PCDHGA11: variants seen among roughly 807,000 people sequenced by gnomAD.
PCDHGA11 encodes protocadherin gamma subfamily A, 11.
A neutral mutation model predicts 60.4 loss-of-function variants in PCDHGA11; 39 were observed. The ratio of observed to expected loss-of-function variants is 0.65; its 90% CI spans 0.50 to 0.84. The LOEUF (loss-of-function observed/expected upper bound fraction) is 0.84, where lower values mean the gene tolerates loss of function less well. Ranked by LOEUF, PCDHGA11 falls within the 40% of genes least tolerant of loss-of-function variation. The pLI, the probability that PCDHGA11 is intolerant of heterozygous loss-of-function variation, is 0.00. For synonymous variants in PCDHGA11, 533 were observed against 510.3 expected (o/e 1.04, Z -0.60); for missense variants, 1,165 against 1,197.7 (o/e 0.97, Z 0.40).
rs768132114 is a variant in PCDHGA11 at position 141,489,845 on chromosome 5, G to A, written c.2434-4962G>A. 5 of 1,614,188 alleles carry A rather than the reference G, an allele frequency of 3.1e-6. No homozygotes were observed. The highest frequency in any genetic ancestry group is 2.2e-5 in the South Asian group (2 of 91,088). On this transcript the variant is annotated intron_variant, in intron 1 of 3. Transcript: ENST00000398587. This position sits in a 1 kb window ranked among gnomAD's most constrained non-coding sequence, Gnocchi z 4.5. ...CTGGTGCTAGAGCAGCAGCTGGATC[G>A]TGAAGCCCAGGCAAGACATCAGCTG...
chr5:141,476,801 C>A lies in PCDHGA11; in HGVS notation c.2434-18006C>A, dbSNP rs752954707. The A allele has an allele frequency of 5.8e-5, 94 of 1,613,468 alleles. No homozygotes were observed. The highest frequency in any genetic ancestry group is 7.9e-5 in the Non-Finnish European group (93 of 1,180,028). The stretch of plus-strand genomic sequence containing the variant: ...GACCCCAGCTCTCTCCGCCAGCCTG[C>A]CTATTCACATCAAGGTGCTGGACGC... On this transcript the variant is annotated intron_variant, in intron 1 of 3. Transcript: ENST00000398587. This position sits in a 1 kb window ranked among gnomAD's most constrained non-coding sequence, Gnocchi z 7.6.
chr5:141,431,830 C>G lies in PCDHGA11; in HGVS notation c.2433+8170C>G, dbSNP rs1354008481. 1 of 1,614,078 alleles carries G rather than the reference C, an allele frequency of 6.2e-7. No homozygotes were observed. The highest frequency in any genetic ancestry group is 8.5e-7 in the Non-Finnish European group (1 of 1,180,034). The stretch of plus-strand genomic sequence containing the variant: ...TCACCTCTCTCGCCAGCTCGGTTCC[C>G]GAAAACTCTCCCAGAGGGACATTAA... On this transcript the variant is annotated intron_variant, in intron 1 of 3. Coordinates refer to ENST00000398587, the MANE Select transcript of PCDHGA11 (RefSeq NM_018914.3). This position sits in a 1 kb window ranked among gnomAD's most constrained non-coding sequence, Gnocchi z 4.8.
intron 1 of PCDHGA11, among the ~76,000 whole-genome samples, chr5:141,458,512 TG>T (rs995261761): frequency 1.3e-5 from 2 of 150,194 alleles, no homozygotes; most frequent in East Asian, 1.9e-4. Flanking sequence ...TTTGACACTT[TG>T]TTTTTTTTTT....
At position 141,491,605 on chromosome 5, in the gene PCDHGA11, T is replaced by C; in HGVS notation, c.2434-3202T>C. On this transcript the variant is annotated intron_variant, in intron 1 of 3. Coordinates refer to ENST00000398587, the MANE Select transcript of PCDHGA11 (RefSeq NM_018914.3). This position sits in a 1 kb window ranked among gnomAD's most constrained non-coding sequence, Gnocchi z 6.9. Reference sequence around the variant, plus strand: ...GGCCTCGGACGGCAGTGACTTCACTTTTCTAAGACCCCTCAGCGTTCAGCA... The same window carrying C: ...GGCCTCGGACGGCAGTGACTTCACTCTTCTAAGACCCCTCAGCGTTCAGCA... 6.2e-7 allele frequency: 1 copy of C among 1,613,868 alleles called. No individual in the cohort carries two copies. Among genetic ancestry groups the C allele is most frequent in the East Asian group, 2.2e-5 (1 of 44,858 alleles).
rs767497197 is a variant in PCDHGA11, at chr5:141,486,350, T to C, written c.2434-8457T>C. The C allele has an allele frequency of 6.2e-7, 1 of 1,614,128 alleles. No homozygotes were observed. Among genetic ancestry groups the C allele is most frequent in the South Asian group, 1.1e-5 (1 of 91,074 alleles). On this transcript the variant is annotated intron_variant, in intron 1 of 3. Transcript: ENST00000398587. The surrounding 1 kb of genome is among the most constrained non-coding windows in gnomAD (Gnocchi z 5.0). ...TGTGAGCCTCCGCATTCCTGACCAC[T>C]TGCCATTTGCCCTCAAGTCTGCCTT...
Position 141,431,145 on chromosome 5 carries a change from A to G in PCDHGA11, c.2433+7485A>G. The G allele has an allele frequency of 1.2e-6, 2 of 1,614,244 alleles. No homozygotes were observed. Among genetic ancestry groups the G allele is most frequent in the Non-Finnish European group, 1.7e-6 (2 of 1,180,042 alleles). On this transcript the variant is annotated intron_variant, in intron 1 of 3. Transcript: ENST00000398587. The surrounding 1 kb of genome is among the most constrained non-coding windows in gnomAD (Gnocchi z 4.8). ...GTAGAAGTAAGGGACATTAACGACA[A>G]TGCGCCTTACTTTCGTGAAAGTGAA... is the stretch of plus-strand genomic sequence containing the variant.
At chr5:141,425,606 G>A (rs1419859039) in intron 1 of PCDHGA11, among the ~76,000 whole-genome samples, 1 of 152,156 alleles carries the variant, frequency 6.6e-6, no homozygotes, top group Non-Finnish European at 1.5e-5. Context: ...GCCCTATATA[G>A]CTTTCAGTGC....
rs61612330 is a variant in PCDHGA11 at position 141,454,796 on chromosome 5, A to ATTTTTTTTTTTTTTTTTTTTTTTTT, written c.2433+31141_2433+31165dup. ...AAGGAAATAATCCTCCATGGTTCTA[A>ATTTTTTTTTTTTTTTTTTTTTTTTT]TTTTTTTTTTTTTTTTTTTTTTTTT... On this transcript the variant is annotated intron_variant, in intron 1 of 3. Coordinates refer to ENST00000398587, the MANE Select transcript of PCDHGA11 (RefSeq NM_018914.3). Among the ~76,000 whole-genome samples, 7 of 77,408 alleles carry ATTTTTTTTTTTTTTTTTTTTTTTTT rather than the reference A, an allele frequency of 9.0e-5. 1 individual carries two copies. Among genetic ancestry groups the ATTTTTTTTTTTTTTTTTTTTTTTTT allele is most frequent in the East Asian group, 4.0e-4 (1 of 2,514 alleles). 50.8% of individuals were successfully genotyped at this position (77,408 alleles called of 152,430 possible). A position where few individuals can be genotyped will look rare whatever the true frequency, so the allele number is the denominator to read the frequency against.
Position 141,491,274 on chromosome 5 carries a change from T to C in PCDHGA11, c.2434-3533T>C, listed in dbSNP as rs2099710140. On this transcript the variant is annotated intron_variant, in intron 1 of 3. Transcript: ENST00000398587. The surrounding 1 kb of genome is among the most constrained non-coding windows in gnomAD (Gnocchi z 6.9). ...ACCCTGAGGAAATGCCCAAATCCAG[T>C]GACTTCCTCATACACCCTCCTGAGC... The C allele has an allele frequency of 6.2e-7, 1 of 1,614,102 alleles. No individual in the cohort carries two copies. Among genetic ancestry groups the C allele is most frequent in the Non-Finnish European group, 8.5e-7 (1 of 1,179,914 alleles).
chr5:141,432,049 G>T lies in PCDHGA11; in HGVS notation c.2433+8389G>T. The T allele has an allele frequency of 7.4e-6, 12 of 1,614,150 alleles. No individual in the cohort carries two copies. Among genetic ancestry groups the T allele is most frequent in the Non-Finnish European group, 1.0e-5 (12 of 1,180,028 alleles). Reference sequence around the variant, plus strand: ...TGACCGCCACTGACCGGGGAACCCCGCCCCTATCCACGGAAACTCATATCT... The same window carrying T: ...TGACCGCCACTGACCGGGGAACCCCTCCCCTATCCACGGAAACTCATATCT... On this transcript the variant is annotated intron_variant, in intron 1 of 3. Coordinates refer to ENST00000398587, the MANE Select transcript of PCDHGA11 (RefSeq NM_018914.3). The surrounding 1 kb of genome is among the most constrained non-coding windows in gnomAD (Gnocchi z 6.0).
In PCDHGA11 at chr5:141,491,357, T is replaced by C; in HGVS notation, c.2434-3450T>C. 6.2e-7 allele frequency: 1 copy of C among 1,614,144 alleles called. No homozygotes were observed. Among genetic ancestry groups the C allele is most frequent in the South Asian group, 1.1e-5 (1 of 91,080 alleles). On this transcript the variant is annotated intron_variant, in intron 1 of 3. Transcript: ENST00000398587. This position sits in a 1 kb window ranked among gnomAD's most constrained non-coding sequence, Gnocchi z 6.9. ...CTAGCGACCGTCAGTCTCTTATCCCTAGTCACCTTCACCTTTCTGTCAGCG... is the reference window on the plus strand; with the variant it reads ...CTAGCGACCGTCAGTCTCTTATCCCCAGTCACCTTCACCTTTCTGTCAGCG...
In PCDHGA11 at chr5:141,476,141, G is replaced by A. The variant is rs1011341002; in HGVS notation, c.2434-18666G>A. On this transcript the variant is annotated intron_variant, in intron 1 of 3. Coordinates refer to ENST00000398587, the MANE Select transcript of PCDHGA11 (RefSeq NM_018914.3). This position sits in a 1 kb window ranked among gnomAD's most constrained non-coding sequence, Gnocchi z 7.6. ...GATGGTCCCAGAGGCCTGGAGGAGCGGACTGGTAAGCACCGGGAGGGTAGT... is the reference window on the plus strand; with the variant it reads ...GATGGTCCCAGAGGCCTGGAGGAGCAGACTGGTAAGCACCGGGAGGGTAGT... 5.6e-6 allele frequency: 9 copies of A among 1,609,928 alleles called. No homozygotes were observed. Among genetic ancestry groups the A allele is most frequent in the Non-Finnish European group, 7.6e-6 (9 of 1,178,880 alleles).
chr5:141,478,517 T>G (rs1593923092), intron 1 of PCDHGA11: 1 of 1,611,116 alleles, frequency 6.2e-7, no homozygotes, highest in Non-Finnish European at 8.5e-7. Context: ...TAGGCAGGTG[T>G]TGGGTGCAGA....
rs1231863269 is a variant in PCDHGA11 at position 141,485,594 on chromosome 5, G to A, written c.2434-9213G>A. 1.9e-6 allele frequency: 3 copies of A among 1,612,578 alleles called. No individual in the cohort carries two copies. The highest frequency in any genetic ancestry group is 2.5e-6 in the Non-Finnish European group (3 of 1,178,798). On this transcript the variant is annotated intron_variant, in intron 1 of 3. Transcript: ENST00000398587. The surrounding 1 kb of genome is among the most constrained non-coding windows in gnomAD (Gnocchi z 5.7). ...TTTTCCGCGGCAGCAGCTGGACTTGGAAATTGGGGAGGCAGCTCCTCCAGG... is the reference window on the plus strand; with the variant it reads ...TTTTCCGCGGCAGCAGCTGGACTTGAAAATTGGGGAGGCAGCTCCTCCAGG...
chr5:141,447,775 AT>A (rs1463090729), intron 1 of PCDHGA11, among the ~76,000 whole-genome samples: 2 of 152,212 alleles, frequency 1.3e-5, no homozygotes, highest in Non-Finnish European at 2.9e-5. Flanking sequence ...TTATACTTTA[AT>A]TGAAAATAAA....
intron 1 of PCDHGA11, among the ~76,000 whole-genome samples, chr5:141,451,571 A>G (rs2098719323): frequency 6.6e-6 from 1 of 152,188 alleles, no homozygotes; most frequent in Non-Finnish European, 1.5e-5. Context: ...CAATCTTTTT[A>G]TAAACCTAAT....
chr5:141,432,090 A>T lies in PCDHGA11; in HGVS notation c.2433+8430A>T. 1 of 1,614,164 alleles carries T rather than the reference A, an allele frequency of 6.2e-7. No homozygotes were observed. Among genetic ancestry groups the T allele is most frequent in the Non-Finnish European group, 8.5e-7 (1 of 1,180,034 alleles). On this transcript the variant is annotated intron_variant, in intron 1 of 3. Transcript: ENST00000398587. The surrounding 1 kb of genome is among the most constrained non-coding windows in gnomAD (Gnocchi z 6.0). ...ACTCATATCTCGCTGAACGTGGCAG[A>T]CACCAACGACAACCCGCCGGTCTTC... is the stretch of plus-strand genomic sequence containing the variant.
At chr5:141,450,832 T>TTA (rs764784095) in intron 1 of PCDHGA11, among the ~76,000 whole-genome samples, 6,304 of 142,274 alleles carry the variant, frequency 0.044, 222 homozygotes, top group African/African-American at 0.11. Context: ...TATTATTATT[T>TTA]TTTTTTTTTT....
At chr5:141,428,134 T>C (rs746772496) in intron 1 of PCDHGA11, 1 of 1,600,266 alleles carries the variant, frequency 6.2e-7, no homozygotes, top group Non-Finnish European at 8.5e-7. Flanking sequence ...CTTTTCAGCC[T>C]GGGGCTGCAC....
Sources: allele counts gnomAD v4.1 joint callset (sites outside exome capture counted in the v4.1 genomes callset), GRCh38; gene constraint gnomAD v4.1.1; non-coding constraint Gnocchi (gnomAD v3.1); transcripts MANE v1.5; gene names NCBI Gene and HGNC (gene_info 2026-07-23, HGNC 2026-07-21).